The following REG1B variants were observed in gnomAD, a reference collection of about 807,000 sequenced individuals.
REG1B encodes the protein lithostathine-1-beta.
In REG1B, 21 loss-of-function variants were observed where a neutral mutation model predicts 20.4. The observed-to-expected ratio is 1.03, with a 90% CI of 0.73 to 1.48. The LOEUF is 1.48. REG1B is among the 40% of genes most tolerant of loss of function. The pLI is 0.00. For missense variants in REG1B, 247 were observed against 197.2 expected, an observed-to-expected ratio of 1.25 and a Z score of -1.51; for synonymous variants, 82 against 73.4, an observed-to-expected ratio of 1.12 and a Z score of -0.60.
chr2:79,086,696 G>T, intron 3 of REG1B, 116 bp downstream of exon 3: 1 of 1,306,458 alleles, frequency 7.7e-7, no homozygotes, highest in Non-Finnish European at 1.1e-6. Flanking sequence ...TTTGGGACCA[G>T]TGGTGGAATA....
chr2:79,087,391 G>C, intron 2 of REG1B, 158 bp downstream of exon 2: 1 of 677,594 alleles, frequency 1.5e-6, no homozygotes, highest in Non-Finnish European at 2.6e-6. Context: ...AATGAGGTGA[G>C]GGTGTTTTTG....
In REG1B at chr2:79,085,196, C is replaced by A; in HGVS notation, c.*20G>T. On this transcript the variant is annotated 3_prime_UTR_variant, in exon 6 of 6. Coordinates refer to ENST00000305089, the MANE Select transcript of REG1B (RefSeq NM_006507.4). ...TAGTAATTGCAGGACCAGTTCTAGACATCCATTTTTCAGCTTCCTCTAGTT... is the reference window on the plus strand; with the variant it reads ...TAGTAATTGCAGGACCAGTTCTAGAAATCCATTTTTCAGCTTCCTCTAGTT... 3 of 1,586,608 alleles carry A rather than the reference C, an allele frequency of 1.9e-6. No homozygotes were observed. Among genetic ancestry groups the A allele is most frequent in the Non-Finnish European group, 2.6e-6 (3 of 1,154,936 alleles).
chr2:79,086,692 A>C, intron 3 of REG1B, 120 bp downstream of exon 3: 1 of 1,306,612 alleles, frequency 7.7e-7, no homozygotes. Context: ...GAAGTTTGGG[A>C]CCAGTGGTGG....
Position 79,085,584 on chromosome 2 carries a change from C to G in REG1B, c.341G>C (p.Ser114Thr). The G allele has an allele frequency of 6.2e-7, 1 of 1,613,070 alleles. No homozygotes were observed. Among genetic ancestry groups the G allele is most frequent in the Non-Finnish European group, 8.5e-7 (1 of 1,179,536 alleles). The change falls in exon 5 of 6, where the codon AGT (serine) becomes ACT (threonine). Residue 114 changes from serine to threonine, a missense_variant. Physicochemically the swap from Ser to Thr is moderately conservative, Grantham distance 58. Coordinates refer to ENST00000305089, the MANE Select transcript of REG1B (RefSeq NM_006507.4). ...DPKKNRRWHW[S>T]SGSLVSYKSW... ...CTTGTAGGAGACCAGGGACCCACTA[C>G]TCCAGTGCCAGCGGCGGTTCTAGAT...
In REG1B at chr2:79,085,612, A is replaced by C. The variant is rs1672387614; in HGVS notation, c.322-9T>G. ...CAGTGCCAGCGGCGGTTCTAGATGG[A>C]GAAGGGCCAGAACAGGGGCCATGGT... On this transcript the variant is annotated splice_polypyrimidine_tract_variant and intron_variant, in intron 4 of 5. Coordinates refer to ENST00000305089, the MANE Select transcript of REG1B (RefSeq NM_006507.4). 1.3e-6 allele frequency: 2 copies of C among 1,585,778 alleles called. No homozygotes were observed. Among genetic ancestry groups the C allele is most frequent in the South Asian group, 2.2e-5 (2 of 90,144 alleles).
rs141409821 is a variant in REG1B at position 79,085,503 on chromosome 2, G to A, written c.422C>T (p.Thr141Ile). The A allele has an allele frequency of 3.1e-6, 5 of 1,612,840 alleles. No individual in the cohort carries two copies. The African/African-American group carries it at 5.3e-5, about 17-fold the overall frequency. ...TGTCTGCCTCTCACCTGAGCATGAA[G>A]TCAGGCTTGCACAGTAGCCAGCATT... ...SANAGYCASL[T>I]SCSGFKKWKD... is the part of the protein sequence containing the mutation. The change falls in exon 5 of 6, where the codon ACT becomes ATT. Residue 141 changes from threonine (T) to isoleucine (I), a missense_variant. Physicochemically the swap from Thr to Ile is moderately conservative, Grantham distance 89. Coordinates refer to ENST00000305089, the MANE Select transcript of REG1B (RefSeq NM_006507.4).
chr2:79,086,725 T>G (rs781713506), intron 3 of REG1B, 87 bp downstream of exon 3: 1 of 1,379,038 alleles, frequency 7.3e-7, no homozygotes, highest in Non-Finnish European at 1.0e-6. Context: ...ATCAATCTTA[T>G]CTCATTGCAG....
intron 1 of REG1B, 117 bp downstream of exon 1, chr2:79,087,842 T>G (rs1672422856): frequency 4.5e-6 from 2 of 448,984 alleles, no homozygotes; most frequent in South Asian, 9.7e-5. Context: ...GCTTTGGTCT[T>G]GCTTAAGTTT....
At position 79,086,803 on chromosome 2, in the gene REG1B, C is replaced by T. The variant is rs112754434; in HGVS notation, c.183+9G>A. 1.8e-3 allele frequency: 2,936 copies of T among 1,611,314 alleles called. 49 individuals are homozygous for T. In the African/African-American group the frequency reaches 0.034, roughly 19 times the overall value. On this transcript the variant is annotated intron_variant, in intron 3 of 5. Coordinates refer to ENST00000305089, the MANE Select transcript of REG1B (RefSeq NM_006507.4). The stretch of plus-strand genomic sequence containing the variant: ...AAGCCTCCCTTCCCCTGCTGCTCTC[C>T]TCACTCACATCTGCATCAACCCAGG...
At position 79,085,489 on chromosome 2, in the gene REG1B, C is replaced by G; in HGVS notation, c.433+3G>C. On this transcript the variant is annotated splice_donor_region_variant and intron_variant, in intron 5 of 5. Coordinates refer to ENST00000305089, the MANE Select transcript of REG1B (RefSeq NM_006507.4). ...ACAGGTGGATAGATTGTCTGCCTCTCACCTGAGCATGAAGTCAGGCTTGCA... is the reference window on the plus strand; with the variant it reads ...ACAGGTGGATAGATTGTCTGCCTCTGACCTGAGCATGAAGTCAGGCTTGCA... The G allele has an allele frequency of 1.2e-6, 2 of 1,609,452 alleles. No individual in the cohort carries two copies. Among genetic ancestry groups the G allele is most frequent in the Non-Finnish European group, 1.7e-6 (2 of 1,175,834 alleles).
chr2:79,087,269 T>A lies in REG1B; in HGVS notation c.64+280A>T, dbSNP rs185059928. ...TTGCCTTAGCTCTCCATCCTAGCAATGACTACATAAAAACATCCCCCAAAC... is the reference window on the plus strand; with the variant it reads ...TTGCCTTAGCTCTCCATCCTAGCAAAGACTACATAAAAACATCCCCCAAAC... On this transcript the variant is annotated intron_variant, in intron 2 of 5. Coordinates refer to ENST00000305089, the MANE Select transcript of REG1B (RefSeq NM_006507.4). The A allele has an allele frequency of 3.0e-4, 163 of 540,916 alleles. 1 individual carries two copies. Among genetic ancestry groups the A allele is most frequent in the Middle Eastern group, 1.9e-3 (4 of 2,106 alleles). The allele number at this position is 540,916 out of a possible 1,614,324, so 33.5% of individuals were successfully genotyped here.
At chr2:79,086,651 A>C in intron 3 of REG1B, 147 bp from the exon 4 acceptor site, 1 of 1,300,184 alleles carries the variant, frequency 7.7e-7, no homozygotes, top group Admixed American at 1.7e-5. Flanking sequence ...TGTGCTGGGA[A>C]TGTGTCAAAT....
chr2:79,087,738 A>T (rs1672421561), intron 1 of REG1B, 80 bp from the exon 2 acceptor site: 4 of 902,930 alleles, frequency 4.4e-6, no homozygotes, highest in South Asian at 3.7e-5. Flanking sequence ...TCCTCTCTGA[A>T]TTCCTGTGAG....
intron 4 of REG1B, chr2:79,085,862 G>T: frequency 3.3e-6 from 1 of 300,806 alleles, no homozygotes; most frequent in East Asian, 7.0e-5. Flanking sequence ...ATTAAAGAGA[G>T]TGGTTTCTGA....
intron 3 of REG1B, 52 bp from the exon 4 acceptor site, chr2:79,086,556 A>G (rs767422136): frequency 2.0e-5 from 32 of 1,599,402 alleles, no homozygotes; most frequent in African/African-American, 1.5e-4. Flanking sequence ...TGTGAGGGAT[A>G]TACTGAGACC....
intron 2 of REG1B, 69 bp downstream of exon 2, chr2:79,087,480 A>T (rs1672416774): frequency 6.7e-6 from 10 of 1,501,774 alleles, no homozygotes; most frequent in Non-Finnish European, 9.2e-6. Flanking sequence ...TTTCAAGTGA[A>T]CCTTATACAT....
At position 79,085,476 on chromosome 2, in the gene REG1B, AT is replaced by A; in HGVS notation, c.433+15del. On this transcript the variant is annotated intron_variant, in intron 5 of 5. Coordinates refer to ENST00000305089, the MANE Select transcript of REG1B (RefSeq NM_006507.4). ...GAAGGAAATGGCAACAGGTGGATAG[AT>A]TGTCTGCCTCTCACCTGAGCATGAA... 6.3e-7 allele frequency: 1 copy of A among 1,593,424 alleles called. No homozygotes were observed. Among genetic ancestry groups the A allele is most frequent in the South Asian group, 1.1e-5 (1 of 90,686 alleles).
In REG1B at chr2:79,086,433, G is replaced by A; in HGVS notation, c.255C>T (p.Ala85=). The part of the protein sequence containing the change: ...VLTQAEGAFV[A]SLIKESSTDD... ...CAGTGCTACTCTCCTTAATCAGTGA[G>A]GCCACGAAGGCACCCTCCGCCTGGG... Residue 85 remains alanine (A), a synonymous_variant, in exon 4 of 6, where the codon GCC becomes GCT. Transcript: ENST00000305089. 1 of 1,614,054 alleles carries A rather than the reference G, an allele frequency of 6.2e-7. No individual in the cohort carries two copies. The highest frequency in any genetic ancestry group is 8.5e-7 in the Non-Finnish European group (1 of 1,179,982).
At chr2:79,085,713 C>T (rs1672389130) in intron 4 of REG1B, 110 bp from the exon 5 acceptor site, 2 of 635,688 alleles carry the variant, frequency 3.1e-6, no homozygotes, top group African/African-American at 3.6e-5. Context: ...AAAGAATAAA[C>T]ATTGTTGTCA....
Sources: allele counts gnomAD v4.1 joint callset, GRCh38; gene constraint gnomAD v4.1.1; transcripts MANE v1.5; gene names NCBI Gene and HGNC (gene_info 2026-07-23, HGNC 2026-07-21).